Variants in FBXL13 observed in about 807,000 individuals in gnomAD.
FBXL13 encodes F-box and leucine-rich repeat protein 13.
FBXL13 carries 67 observed loss-of-function variants against 83.6 expected under a neutral mutation model. That is an observed-to-expected ratio of 0.80 (90% CI 0.66 to 0.98). The LOEUF (loss-of-function observed/expected upper bound fraction) is 0.98. Ranked by LOEUF, FBXL13 falls within the 50% of genes least tolerant of loss-of-function variation. The pLI is 0.00. For missense variants in FBXL13, 822 were observed against 866.5 expected, an observed-to-expected ratio of 0.95 and a Z score of 0.64; for synonymous variants, 272 against 299.5, an observed-to-expected ratio of 0.91 and a Z score of 0.95.
At chr7:102,973,179 G>A (rs1016283010) in intron 6 of FBXL13, 2 of 207,130 alleles carry the variant, frequency 9.7e-6, no homozygotes, top group African/African-American at 4.7e-5. Context: ...ATGGTTATCA[G>A]CCTTCCTTTC....
chr7:102,890,001 G>C (rs147359768), intron 11 of FBXL13, among the ~76,000 whole-genome samples: 3 of 152,034 alleles, frequency 2.0e-5, no homozygotes, highest in Admixed American at 2.0e-4. Flanking sequence ...TCCAGAAAGT[G>C]GGGGGTGGGG....
Position 102,883,558 on chromosome 7 carries a change from T to C in FBXL13, c.1225+10A>G, listed in dbSNP as rs1433072393. 1 of 1,595,034 alleles carries C rather than the reference T, an allele frequency of 6.3e-7. No individual in the cohort carries two copies. Among genetic ancestry groups the C allele is most frequent in the Admixed American group, 1.7e-5 (1 of 58,938 alleles). ...CAATAATGCTGAACCACATTTTTAA[T>C]ATAACAGACCTTCAAATCGGATCTT... On this transcript the variant is annotated intron_variant, in intron 13 of 19. Coordinates refer to ENST00000313221, the Ensembl canonical transcript of FBXL13.
chr7:102,887,718 T>C (rs1046540698), intron 11 of FBXL13, among the ~76,000 whole-genome samples: 3 of 152,204 alleles, frequency 2.0e-5, no homozygotes, highest in Admixed American at 2.0e-4. Flanking sequence ...TTACTCAAAG[T>C]CTACTGATTT....
At chr7:102,893,092 A>T (rs1811740139) in intron 11 of FBXL13, among the ~76,000 whole-genome samples, 1 of 152,196 alleles carries the variant, frequency 6.6e-6, no homozygotes, top group Non-Finnish European at 1.5e-5. Context: ...CTGGTCACAA[A>T]ACTCTTGTTG....
chr7:102,859,014 A>C (rs1221070039), intron 16 of FBXL13, among the ~76,000 whole-genome samples: 1 of 152,162 alleles, frequency 6.6e-6, no homozygotes, highest in Non-Finnish European at 1.5e-5. Flanking sequence ...TGTCTCAATA[A>C]AAAATGTTTA....
rs536878675 is a variant in FBXL13, at chr7:103,033,919, AC to A, written c.1-4502del. ...GGTGTGTTTACAATCCCTGAGCTAG[AC>A]ACAAAGGTTCTCCACATCCCCACCA... On this transcript the variant is annotated intron_variant, in intron 2 of 19. Coordinates refer to ENST00000313221, the Ensembl canonical transcript of FBXL13. 3.9e-5 allele frequency among the ~76,000 whole-genome samples: 6 copies of A among 152,240 alleles called. No homozygotes were observed. In the South Asian group the frequency reaches 1.2e-3, roughly 32 times the overall value.
chr7:103,021,091 A>G (rs1015722878), intron 6 of FBXL13, among the ~76,000 whole-genome samples: 70 of 152,226 alleles, frequency 4.6e-4, no homozygotes, highest in African/African-American at 1.6e-3. Context: ...TATACTACAA[A>G]GCTACAGTAA....
chr7:102,984,541 A>G (rs1296515562), intron 6 of FBXL13, among the ~76,000 whole-genome samples: 1 of 152,214 alleles, frequency 6.6e-6, no homozygotes, highest in Non-Finnish European at 1.5e-5. Flanking sequence ...CAAAGGCAAG[A>G]GAAGATTGAT....
chr7:103,039,136 T>C (rs1357721543), intron 2 of FBXL13, among the ~76,000 whole-genome samples: 3 of 152,212 alleles, frequency 2.0e-5, no homozygotes, highest in East Asian at 3.8e-4. Flanking sequence ...AATGACCTGA[T>C]GGAGCTGAAA....
In FBXL13 at chr7:102,881,561, A is replaced by C. The variant is rs74300434; in HGVS notation, c.1388+1744T>G. ...TTAGTTGATACACACTTGTGTATGTAGTGTGTGTGTGTGTGGGGGGGGTGG... is the reference window on the plus strand; with the variant it reads ...TTAGTTGATACACACTTGTGTATGTCGTGTGTGTGTGTGTGGGGGGGGTGG... On this transcript the variant is annotated intron_variant, in intron 14 of 19. Transcript: ENST00000313221. Among the ~76,000 whole-genome samples the C allele has an allele frequency of 0.016, 2,104 of 131,484 alleles. 116 individuals carry two copies. The East Asian group carries it at 0.2, about 12-fold the overall frequency. The allele number at this position is 131,484 out of a possible 152,430, so 86.3% of individuals were successfully genotyped here.
chr7:102,841,084 G>A (rs758998276), intron 17 of FBXL13, among the ~76,000 whole-genome samples: 59 of 152,136 alleles, frequency 3.9e-4, no homozygotes, highest in Non-Finnish European at 7.4e-4. Context: ...ACAGGCCCTT[G>A]GTTTATGTCA....
intron 1 of FBXL13, among the ~76,000 whole-genome samples, chr7:103,061,715 G>T (rs555401358): frequency 1.3e-5 from 2 of 152,214 alleles, no homozygotes; most frequent in South Asian, 4.1e-4. Flanking sequence ...AAGACAGGCA[G>T]ATCACGAAGT....
At chr7:102,930,694 A>G (rs1047711647) in intron 9 of FBXL13, among the ~76,000 whole-genome samples, 3 of 152,198 alleles carry the variant, frequency 2.0e-5, no homozygotes, top group Non-Finnish European at 4.4e-5. Flanking sequence ...CCTTCTGAAT[A>G]TCCTCTGTTC....
intron 1 of FBXL13, among the ~76,000 whole-genome samples, chr7:103,072,377 A>AG (rs1239254634): frequency 2.0e-5 from 3 of 152,118 alleles, no homozygotes; most frequent in African/African-American, 7.2e-5. Flanking sequence ...AGGTGAGTGA[A>AG]GGACTCCTCA....
At chr7:102,932,596 G>A (rs554611969) in intron 8 of FBXL13, among the ~76,000 whole-genome samples, 18 of 2,734 alleles carry the variant, frequency 6.6e-3, no homozygotes, top group Non-Finnish European at 0.022. Context: ...TGTTTGTTTC[G>A]TTTTTTTGAG....
intron 6 of FBXL13, among the ~76,000 whole-genome samples, chr7:102,991,850 G>A (rs557194897): frequency 2.0e-5 from 3 of 152,316 alleles, no homozygotes; most frequent in South Asian, 2.1e-4. Flanking sequence ...TCAGGAATAA[G>A]TGGTGCGCAG....
At chr7:103,046,533 C>T (rs945036793) in intron 2 of FBXL13, among the ~76,000 whole-genome samples, 10 of 152,174 alleles carry the variant, frequency 6.6e-5, no homozygotes, top group Non-Finnish European at 1.5e-4. Flanking sequence ...TAAAGTTTCT[C>T]ACCTATGTTG....
chr7:103,065,589 G>T (rs1798317885), intron 1 of FBXL13, among the ~76,000 whole-genome samples: 1 of 152,198 alleles, frequency 6.6e-6, no homozygotes, highest in African/African-American at 2.4e-5. Context: ...GCAATTCAAA[G>T]AATTACTAAC....
At chr7:103,033,707 C>T (rs1794767858) in intron 2 of FBXL13, among the ~76,000 whole-genome samples, 2 of 152,018 alleles carry the variant, frequency 1.3e-5, no homozygotes, top group South Asian at 4.1e-4. Context: ...GCAATGTGGA[C>T]CCAAAGAGTG....
Sources: allele counts gnomAD v4.1 joint callset (sites outside exome capture counted in the v4.1 genomes callset), GRCh38; gene constraint gnomAD v4.1.1; transcripts MANE v1.5; gene names NCBI Gene and HGNC (gene_info 2026-07-23, HGNC 2026-07-21).